MPPED2: variants seen among roughly 807,000 people sequenced by gnomAD.
The protein encoded by MPPED2 is metallophosphoesterase MPPED2.
A neutral mutation model predicts 33.0 loss-of-function variants in MPPED2; 5 were observed. The ratio of observed to expected loss-of-function variants is 0.15; its 90% CI spans 0.08 to 0.32. The LOEUF is 0.32. MPPED2 is among the 10% of genes least tolerant of loss of function. MPPED2 has a pLI of 1.00. For synonymous variants in MPPED2, 136 were observed against 141.9 expected (o/e 0.96, Z 0.29); for missense variants, 275 against 372.1 (o/e 0.74, Z 2.15).
rs1254758834 is a variant in MPPED2, at chr11:30,468,656, C to T, written c.536+26640G>A. ...AAGATATACAAATAAAAATATTAAT[C>T]ATATAGGAACCTCCATATTGTGTCT... On this transcript the variant is annotated intron_variant, in intron 4 of 6. Transcript: ENST00000358117. Among the ~76,000 whole-genome samples the T allele has an allele frequency of 2.0e-5, 3 of 152,086 alleles. No individual in the cohort carries two copies. In the South Asian group the frequency reaches 6.2e-4, roughly 32 times the overall value.
At chr11:30,412,788 T>C (rs897884282) in intron 6 of MPPED2, among the ~76,000 whole-genome samples, 8 of 152,344 alleles carry the variant, frequency 5.3e-5, no homozygotes, top group Admixed American at 2.0e-4. Context: ...AAGTTTATTA[T>C]TTTGGGGCTT....
intron 3 of MPPED2, among the ~76,000 whole-genome samples, chr11:30,511,046 G>A (rs1003168160): frequency 2.6e-5 from 4 of 152,152 alleles, no homozygotes; most frequent in Admixed American, 6.5e-5. Context: ...CTCATTTCAA[G>A]GGTCTTGCAA....
chr11:30,575,078 A>G (rs532091710), intron 2 of MPPED2, among the ~76,000 whole-genome samples: 1 of 152,346 alleles, frequency 6.6e-6, no homozygotes, highest in Non-Finnish European at 1.5e-5. Flanking sequence ...CTTGAACTGA[A>G]TAAGAATGAA....
chr11:30,433,663 T>A (rs562278001), intron 4 of MPPED2, among the ~76,000 whole-genome samples: 13 of 152,312 alleles, frequency 8.5e-5, no homozygotes, highest in African/African-American at 2.9e-4. Context: ...CTCGCTATCA[T>A]GTCTCAAGCC....
Position 30,580,188 on chromosome 11 carries a change from T to C in MPPED2, c.128+58A>G, listed in dbSNP as rs895353265. On this transcript the variant is annotated intron_variant, in intron 2 of 6. Coordinates refer to ENST00000358117, the MANE Select transcript of MPPED2 (RefSeq NM_001584.3). Reference sequence around the variant, plus strand: ...AGAAGTTAATAGTGAATGCTTTTCTTTTTTTTCTTTTTATTTTCTTGATTG... The same window carrying C: ...AGAAGTTAATAGTGAATGCTTTTCTCTTTTTTCTTTTTATTTTCTTGATTG... 9 of 1,458,754 alleles carry C rather than the reference T, an allele frequency of 6.2e-6. No individual in the cohort carries two copies. In the African/African-American group the frequency reaches 1.8e-4, roughly 29 times the overall value. The allele number at this position is 1,458,754 out of a possible 1,614,324, so 90.4% of individuals were successfully genotyped here.
chr11:30,493,397 T>C (rs1952084516), intron 4 of MPPED2, among the ~76,000 whole-genome samples: 1 of 151,138 alleles, frequency 6.6e-6, no homozygotes, highest in African/African-American at 2.4e-5. Context: ...AGAAAATATC[T>C]CAACCTTTTA....
chr11:30,385,505 C>G (rs1947692252), exon 7 of MPPED2: 1 of 152,112 alleles, frequency 6.6e-6, no homozygotes, highest in South Asian at 2.1e-4. Context: ...AACACAGTCG[C>G]CAGATGGGCT....
chr11:30,521,892 T>A (rs1433149595), intron 3 of MPPED2, among the ~76,000 whole-genome samples: 1 of 152,210 alleles, frequency 6.6e-6, no homozygotes, highest in Non-Finnish European at 1.5e-5. Context: ...CATCTGGAGC[T>A]GCAGATCAAG....
intron 2 of MPPED2, among the ~76,000 whole-genome samples, chr11:30,538,802 C>T (rs1033393325): frequency 1.3e-5 from 2 of 151,936 alleles, no homozygotes; most frequent in East Asian, 1.9e-4. Context: ...CACAGAAGAT[C>T]GATTCAAGGC....
intron 2 of MPPED2, among the ~76,000 whole-genome samples, chr11:30,539,838 G>C (rs771526998): frequency 6.6e-6 from 1 of 151,956 alleles, no homozygotes; most frequent in Non-Finnish European, 1.5e-5. Context: ...ATGTTTCCTG[G>C]GCTAGTCTTG....
chr11:30,546,606 G>T (rs907236577), intron 2 of MPPED2, among the ~76,000 whole-genome samples: 1 of 152,102 alleles, frequency 6.6e-6, no homozygotes, highest in Non-Finnish European at 1.5e-5. Flanking sequence ...TGGCTAATGG[G>T]CCTTCTTTAA....
chr11:30,563,381 C>T (rs758327760), intron 2 of MPPED2, among the ~76,000 whole-genome samples: 1 of 152,138 alleles, frequency 6.6e-6, no homozygotes, highest in Non-Finnish European at 1.5e-5. Context: ...AGGGTTTGGG[C>T]TCCTATCAGA....
At chr11:30,543,444 C>T (rs1319985051) in intron 2 of MPPED2, among the ~76,000 whole-genome samples, 1 of 152,186 alleles carries the variant, frequency 6.6e-6, no homozygotes, top group Non-Finnish European at 1.5e-5. Flanking sequence ...CAAATGACTC[C>T]AAAGTTCCAT....
chr11:30,550,161 G>A (rs988064119), intron 2 of MPPED2, among the ~76,000 whole-genome samples: 1 of 152,170 alleles, frequency 6.6e-6, no homozygotes, highest in African/African-American at 2.4e-5. Flanking sequence ...GCGCTGTTCC[G>A]TGGAGGCAAT....
intron 3 of MPPED2, among the ~76,000 whole-genome samples, chr11:30,506,717 A>G (rs1238661095): frequency 6.6e-6 from 1 of 152,260 alleles, no homozygotes; most frequent in Non-Finnish European, 1.5e-5. Context: ...CTTTTAAAAG[A>G]AATAACCATT....
In MPPED2 at chr11:30,411,544, G is replaced by T; in HGVS notation, c.809C>A (p.Ala270Asp). Reference sequence around the variant, plus strand: ...TTGAAAGCTGACTGTACACGTCGAGGCATTGATGTACGTTGTGTAACCGTC... The same window carrying T: ...TTGAAAGCTGACTGTACACGTCGAGTCATTGATGTACGTTGTGTAACCGTC... ...MTDGYTTYIN[A>D]STCTVSFQPT... The change falls in exon 7 of 7, where the codon GCC (alanine) becomes GAC (aspartate). Residue 270 changes from alanine (A) to aspartate (D), a missense_variant. Transcript: ENST00000358117. 6.2e-7 allele frequency: 1 copy of T among 1,613,886 alleles called. No individual in the cohort carries two copies. The highest frequency in any genetic ancestry group is 8.5e-7 in the Non-Finnish European group (1 of 1,179,814).
chr11:30,390,792 T>C (rs1701488268), intron 6 of MPPED2, among the ~76,000 whole-genome samples: 1 of 152,182 alleles, frequency 6.6e-6, no homozygotes, highest in Non-Finnish European at 1.5e-5. Flanking sequence ...AAGGTTGAGA[T>C]GGCTGCCCCT....
chr11:30,584,055 T>C (rs1015144125), intron 1 of MPPED2: 1 of 152,124 alleles, frequency 6.6e-6, no homozygotes, highest in Non-Finnish European at 1.5e-5. Flanking sequence ...GCCAGGGTTT[T>C]TTTGGGGGAG....
rs1324132807 is a variant in MPPED2, at chr11:30,495,309, A to G, written c.523T>C (p.Tyr175His). Residue 175 changes from tyrosine (Y) to histidine (H), a missense_variant, in exon 4 of 7, where the codon TAC becomes CAC. Coordinates refer to ENST00000358117, the MANE Select transcript of MPPED2 (RefSeq NM_001584.3). Reference protein sequence around the residue: ...SEVTVKGFRIYGAPWTPWFNG... With the variant: ...SEVTVKGFRIHGAPWTPWFNG... ...ATCATCACTTACCAAGGTGCACCGT[A>G]TATCCTGAATCCCTTCACTGTTACC... 5.0e-6 allele frequency: 8 copies of G among 1,612,446 alleles called. No homozygotes were observed. The highest frequency in any genetic ancestry group is 5.9e-6 in the Non-Finnish European group (7 of 1,178,456).
Sources: gnomAD v4.1 joint callset for allele counts (sites outside exome capture counted in the v4.1 genomes callset) on GRCh38, gnomAD v4.1.1 for gene constraint, MANE v1.5 for transcripts, NCBI Gene and HGNC (gene_info 2026-07-23, HGNC 2026-07-21) for gene names.